Variants in VSIG4 observed in about 807,000 individuals in gnomAD.
VSIG4 encodes the protein V-set and immunoglobulin domain containing 4.
VSIG4 carries 34 observed loss-of-function variants against 23.4 expected under a neutral mutation model. That is an observed-to-expected ratio of 1.45 (90% CI 1.10 to 1.93). The LOEUF is 1.93. Among genes scored for constraint, VSIG4 ranks in the 30% most tolerant of loss-of-function variants. The pLI, the probability that VSIG4 is intolerant of heterozygous loss-of-function variation, is 0.00. For synonymous variants in VSIG4, 169 were observed against 120.3 expected, an observed-to-expected ratio of 1.41 and a Z score of -2.65; for missense variants, 433 against 310.8, an observed-to-expected ratio of 1.39 and a Z score of -2.96.
chrX:66,034,400 C>A (rs2085508847), intron 1 of VSIG4, among the ~76,000 whole-genome samples: 1 of 111,553 alleles, frequency 9.0e-6, no homozygotes, highest in Non-Finnish European at 1.9e-5. Context: ...AGTGGGGTCC[C>A]AACCCTAAGA....
intron 1 of VSIG4, among the ~76,000 whole-genome samples, chrX:66,034,772 T>A (rs621259): frequency 3.6e-5 from 1 of 27,440 alleles, no homozygotes; most frequent in Non-Finnish European, 5.5e-5. Flanking sequence ...GGGATGGGGG[T>A]GGGGGTGGGG....
rs10555185 is a variant in VSIG4 at position 66,038,481 on chromosome X, T to TCA, written c.55+1461_55+1462dup. On this transcript the variant is annotated intron_variant, in intron 1 of 7. Coordinates refer to ENST00000374737, the MANE Select transcript of VSIG4 (RefSeq NM_007268.3). The stretch of plus-strand genomic sequence containing the variant: ...GACACATGAGTGCTCTCTCTCTCTC[T>TCA]CACACACACACACACACACACACAC... 5.1e-3 allele frequency among the ~76,000 whole-genome samples: 524 copies of TCA among 101,933 alleles called. 1 individual carries two copies. Among genetic ancestry groups the TCA allele is most frequent in the South Asian group, 0.021 (51 of 2,375 alleles). 88.5% of individuals were successfully genotyped at this position (101,933 alleles called of 115,157 possible). A position where few individuals can be genotyped will look rare whatever the true frequency, so the allele number is the denominator to read the frequency against.
chrX:66,024,874 A>G (rs1159937676), intron 6 of VSIG4, 151 bp downstream of exon 6: 2 of 378,454 alleles, frequency 5.3e-6, no homozygotes, highest in East Asian at 4.3e-5. Flanking sequence ...TTGCTCGAAC[A>G]TCTGCCTCCC....
chrX:66,029,909 T>C (rs1340243239), intron 3 of VSIG4, among the ~76,000 whole-genome samples: 1 of 111,447 alleles, frequency 9.0e-6, no homozygotes, highest in Admixed American at 9.5e-5. Context: ...GATAATATTA[T>C]GGTTGGAGAG....
chrX:66,025,545 C>A (rs1402444629), intron 5 of VSIG4, among the ~76,000 whole-genome samples: 1 of 112,439 alleles, frequency 8.9e-6, no homozygotes, highest in Non-Finnish European at 1.9e-5. Flanking sequence ...CTGGTCAAGT[C>A]CCCAGCTTCC....
intron 3 of VSIG4, among the ~76,000 whole-genome samples, chrX:66,030,784 A>G (rs2085455426): frequency 8.9e-6 from 1 of 111,905 alleles, no homozygotes; most frequent in East Asian, 2.8e-4. Flanking sequence ...GGCAGTACAT[A>G]TCGCAGAGCA....
chrX:66,028,727 T>A (rs1027835199), intron 3 of VSIG4, among the ~76,000 whole-genome samples: 5 of 109,791 alleles, frequency 4.6e-5, no homozygotes, highest in African/African-American at 1.7e-4. Flanking sequence ...TCAGAGGTAA[T>A]CTTGAACATA....
chrX:66,036,808 ATAT>A (rs1399697589), intron 1 of VSIG4, among the ~76,000 whole-genome samples: 4 of 39,574 alleles, frequency 1.0e-4, no homozygotes. Context: ...ATATTATATA[ATAT>A]TATATATTAT....
At position 66,039,974 on chromosome X, in the gene VSIG4, G is replaced by T. The variant is rs753170863; in HGVS notation, c.25C>A (p.Leu9Ile). Reference sequence around the variant, plus strand: ...GTGTCCACTGTTAGGTGCCCCAGGAGTAGCAGGCCCAGTAAGATCCCCATC... The same window carrying T: ...GTGTCCACTGTTAGGTGCCCCAGGATTAGCAGGCCCAGTAAGATCCCCATC... Reference protein sequence around the residue: MGILLGLLLLGHLTVDTYG... With the variant: MGILLGLLILGHLTVDTYG... Residue 9 changes from leucine to isoleucine, a missense_variant, in exon 1 of 8, where the codon CTC becomes ATC. By Grantham distance (5) the Leu-to-Ile change is conservative. Transcript: ENST00000374737. 8.3e-7 allele frequency: 1 copy of T among 1,211,719 alleles called. No individual in the cohort carries two copies. The highest frequency in any genetic ancestry group is 1.1e-6 in the Non-Finnish European group (1 of 895,371).
chrX:66,030,384 C>T (rs1374700768), intron 3 of VSIG4, among the ~76,000 whole-genome samples: 1 of 111,362 alleles, frequency 9.0e-6, no homozygotes, highest in East Asian at 2.8e-4. Flanking sequence ...TGAAAAATAA[C>T]ATATATATAT....
chrX:66,038,790 C>G (rs1045926056), intron 1 of VSIG4, among the ~76,000 whole-genome samples: 1 of 111,190 alleles, frequency 9.0e-6, no homozygotes, highest in Non-Finnish European at 1.9e-5. Flanking sequence ...CTCTGAGGTT[C>G]CAGAGTGTGA....
intron 1 of VSIG4, among the ~76,000 whole-genome samples, chrX:66,039,668 T>C (rs1327518752): frequency 8.9e-6 from 1 of 112,132 alleles, no homozygotes; most frequent in Non-Finnish European, 1.9e-5. Context: ...GGGAACCTTC[T>C]TGATGCCCCT....
intron 6 of VSIG4, among the ~76,000 whole-genome samples, chrX:66,023,349 T>C (rs2085354546): frequency 8.9e-6 from 1 of 111,833 alleles, no homozygotes; most frequent in South Asian, 3.7e-4. Context: ...TGGTTACCAT[T>C]GCCCCCTAGT....
At position 66,022,305 on chromosome X, in the gene VSIG4, C is replaced by T. The variant is rs2085341183; in HGVS notation, c.1158G>A (p.Leu386=). The change falls in exon 8 of 8, where the codon CTG becomes CTA. Residue 386 remains leucine, a synonymous_variant. Coordinates refer to ENST00000374737, the MANE Select transcript of VSIG4 (RefSeq NM_007268.3). Reference sequence around the variant, plus strand: ...CCTCAGTGGCCAGAAACTCATAATCCAGAGGAACTGTGTCCAGCAGGCGGG... The same window carrying T: ...CCTCAGTGGCCAGAAACTCATAATCTAGAGGAACTGTGTCCAGCAGGCGGG... ...NYARLLDTVP[L]DYEFLATEGK... is the part of the protein sequence containing the mutation. 8.2e-7 allele frequency: 1 copy of T among 1,212,256 alleles called. No homozygotes were observed. Among genetic ancestry groups the T allele is most frequent in the Non-Finnish European group, 1.1e-6 (1 of 895,588 alleles).
At chrX:66,037,645 T>G (rs1308365200) in intron 1 of VSIG4, among the ~76,000 whole-genome samples, 2 of 84,909 alleles carry the variant, frequency 2.4e-5, no homozygotes, top group Admixed American at 1.7e-4. Flanking sequence ...ATAATAATTA[T>G]ATAATTATTA....
chrX:66,025,817 G>A (rs1192004898), intron 5 of VSIG4, among the ~76,000 whole-genome samples: 2 of 111,883 alleles, frequency 1.8e-5, no homozygotes, highest in East Asian at 5.6e-4. Context: ...GGAGGAAGGG[G>A]GCCATGAGCC....
intron 5 of VSIG4, among the ~76,000 whole-genome samples, chrX:66,026,761 T>G (rs995406553): frequency 2.7e-5 from 3 of 110,942 alleles, no homozygotes; most frequent in African/African-American, 9.8e-5. Context: ...AGACTTGGAG[T>G]CTTAGAGATT....
In VSIG4 at chrX:66,036,914, TGA is replaced by T. The variant is rs1272536190; in HGVS notation, c.55+3028_55+3029del. Among the ~76,000 whole-genome samples the T allele has an allele frequency of 2.0e-4, 5 of 25,085 alleles. No homozygotes were observed. The African/African-American group carries it at 2.7e-3, about 14-fold the overall frequency. 21.8% of individuals were successfully genotyped at this position (25,085 alleles called of 115,157 possible). On this transcript the variant is annotated intron_variant, in intron 1 of 7. Coordinates refer to ENST00000374737, the MANE Select transcript of VSIG4 (RefSeq NM_007268.3). ...ATATTTTATTATATAATATATTATATGATATATTATATTATATGATATATTAT... is the reference window on the plus strand; with the variant it reads ...ATATTTTATTATATAATATATTATATTATATTATATTATATGATATATTAT...
At chrX:66,034,258 G>A (rs757498271) in intron 1 of VSIG4, among the ~76,000 whole-genome samples, 1 of 112,233 alleles carries the variant, frequency 8.9e-6, no homozygotes, top group Non-Finnish European at 1.9e-5. Context: ...AAGCAAAAAT[G>A]CTAAGCATTT....
Sources: gnomAD v4.1 joint callset for allele counts (sites outside exome capture counted in the v4.1 genomes callset) on GRCh38, gnomAD v4.1.1 for gene constraint, MANE v1.5 for transcripts, NCBI Gene and HGNC (gene_info 2026-07-23, HGNC 2026-07-21) for gene names.